Variants in CAST observed in about 807,000 individuals in gnomAD.
The protein encoded by CAST is MIR583 host.
A neutral mutation model predicts 119.6 loss-of-function variants in CAST; 76 were observed. The observed-to-expected ratio is 0.64, with a 90% CI of 0.53 to 0.77. CAST has a LOEUF of 0.77. Among genes scored for constraint, CAST ranks in the 30% least tolerant of loss-of-function variants. The pLI, the probability that CAST is intolerant of heterozygous loss-of-function variation, is 0.00. For synonymous variants in CAST, 319 were observed against 331.6 expected, an observed-to-expected ratio of 0.96 and a Z score of 0.41; for missense variants, 953 against 946.5, an observed-to-expected ratio of 1.01 and a Z score of -0.09.
chr5:96,247,354 G>A, the CAST span, among the ~76,000 whole-genome samples: 1 of 152,240 alleles, frequency 6.6e-6, no homozygotes, highest in Non-Finnish European at 1.5e-5. Flanking sequence ...TATTCTGGCT[G>A]CCTAGAAGGC....
At chr5:96,136,965 T>G in the CAST span, among the ~76,000 whole-genome samples, 2 of 152,222 alleles carry the variant, frequency 1.3e-5, no homozygotes, top group South Asian at 4.1e-4. Context: ...CTCCTTTCTG[T>G]GAAGTTGTTT....
At position 96,638,338 on chromosome 5, in the gene CAST, G is replaced by T. The variant is rs797017044; in HGVS notation, c.61-37201G>T. Among the ~76,000 whole-genome samples, 41 of 152,166 alleles carry T rather than the reference G, an allele frequency of 2.7e-4. 1 individual carries two copies. Among genetic ancestry groups the T allele is most frequent in the African/African-American group, 9.9e-4 (41 of 41,514 alleles). ...GGAGAATCTCATGAACCCAGGAGGT[G>T]GAGGTTGCAGTGAGCCAAGATCATG... On this transcript the variant is annotated intron_variant, in intron 1 of 11. Transcript: ENST00000505143.
At chr5:96,504,815 T>C in the CAST span, among the ~76,000 whole-genome samples, 6 of 152,240 alleles carry the variant, frequency 3.9e-5, no homozygotes, top group Admixed American at 3.9e-4. Context: ...AATGATGTGC[T>C]TTCTGTATCT....
At chr5:96,403,001 G>A in the CAST span, among the ~76,000 whole-genome samples, 1 of 152,156 alleles carries the variant, frequency 6.6e-6, no homozygotes, top group Non-Finnish European at 1.5e-5. Context: ...CAGTCAATGG[G>A]CAACACACCA....
the CAST span, among the ~76,000 whole-genome samples, chr5:96,498,130 G>A: frequency 1.4e-3 from 217 of 152,190 alleles, 1 homozygote; most frequent in Non-Finnish European, 1.8e-3. Context: ...TCCTTTCCCT[G>A]TTTCTTGTTT....
At chr5:96,600,672 G>T (rs1415821126) in intron 1 of CAST, among the ~76,000 whole-genome samples, 1 of 152,040 alleles carries the variant, frequency 6.6e-6, no homozygotes, top group Non-Finnish European at 1.5e-5. Context: ...TTCCTTACCT[G>T]CATATTCTTT....
At chr5:96,533,816 G>A (rs1183448892) in intron 1 of CAST, among the ~76,000 whole-genome samples, 3 of 152,152 alleles carry the variant, frequency 2.0e-5, no homozygotes, top group African/African-American at 7.2e-5. Context: ...ACTCAAATAT[G>A]TGAGTGTACC....
chr5:96,290,460 A>G, the CAST span, among the ~76,000 whole-genome samples: 6 of 123,114 alleles, frequency 4.9e-5, no homozygotes, highest in Non-Finnish European at 6.9e-5. Flanking sequence ...TTTCTATTCA[A>G]AATTAAATTA....
chr5:96,055,643 A>G, the CAST span, among the ~76,000 whole-genome samples: 20 of 152,152 alleles, frequency 1.3e-4, no homozygotes, highest in African/African-American at 4.6e-4. Flanking sequence ...ACCAAAAACC[A>G]TATTTTTTTC....
At chr5:96,471,343 A>C in the CAST span, among the ~76,000 whole-genome samples, 1 of 152,148 alleles carries the variant, frequency 6.6e-6, no homozygotes, top group Non-Finnish European at 1.5e-5. Flanking sequence ...CTTCAGCTAA[A>C]ATTACATTCT....
At chr5:96,271,238 G>A in the CAST span, among the ~76,000 whole-genome samples, 1 of 151,918 alleles carries the variant, frequency 6.6e-6, no homozygotes, top group Non-Finnish European at 1.5e-5. Flanking sequence ...TGTAGAAATA[G>A]TAAAAAAACA....
chr5:96,258,361 T>C, the CAST span, among the ~76,000 whole-genome samples: 36 of 152,310 alleles, frequency 2.4e-4, no homozygotes, highest in Non-Finnish European at 4.6e-4. Context: ...ATATTTTCAT[T>C]AATGAGGTTT....
At chr5:96,744,413 C>T (rs1418926173) in intron 16 of CAST, among the ~76,000 whole-genome samples, 5 of 152,124 alleles carry the variant, frequency 3.3e-5, no homozygotes, top group African/African-American at 9.7e-5. Flanking sequence ...GGGGAACTCC[C>T]CTTTATAAAA....
chr5:96,653,230 TG>T lies in CAST; in HGVS notation c.61-22305del, dbSNP rs1304264596. ...GCAAACCAGTCCAGATTCATTGCCT[TG>T]GGGCAGGGCTAGACCCCACCTGGTA... On this transcript the variant is annotated intron_variant, in intron 1 of 11. Transcript: ENST00000505143. 7.2e-5 allele frequency among the ~76,000 whole-genome samples: 11 copies of T among 152,370 alleles called. No individual in the cohort carries two copies. In the South Asian group the frequency reaches 2.3e-3, roughly 32 times the overall value.
At chr5:96,635,690 C>G (rs1747876413) in intron 1 of CAST, among the ~76,000 whole-genome samples, 1 of 152,236 alleles carries the variant, frequency 6.6e-6, no homozygotes, top group African/African-American at 2.4e-5. Flanking sequence ...AAATCACAAA[C>G]AGTCAATGTT....
Position 96,741,000 on chromosome 5 carries a change from G to A in CAST, c.918+217G>A, listed in dbSNP as rs556135406. The A allele has an allele frequency of 2.7e-5, 16 of 593,592 alleles. No homozygotes were observed. In the South Asian group the frequency reaches 3.0e-4, roughly 11 times the overall value. 36.8% of individuals were successfully genotyped at this position (593,592 alleles called of 1,614,324 possible). ...TTTTGAGGGAAAGGAGAAAGAAGGCGAGAAAGTATTAGGATAGAATATTAT... is the reference window on the plus strand; with the variant it reads ...TTTTGAGGGAAAGGAGAAAGAAGGCAAGAAAGTATTAGGATAGAATATTAT... On this transcript the variant is annotated intron_variant, in intron 13 of 31. Coordinates refer to ENST00000675179, the MANE Select transcript of CAST (RefSeq NM_001750.7).
chr5:96,277,132 G>T, the CAST span, among the ~76,000 whole-genome samples: 1 of 152,088 alleles, frequency 6.6e-6, no homozygotes, highest in Non-Finnish European at 1.5e-5. Flanking sequence ...TTTCAAAACA[G>T]TGCAGTAAAA....
At chr5:96,599,053 C>T (rs1398301709) in intron 1 of CAST, among the ~76,000 whole-genome samples, 1 of 152,222 alleles carries the variant, frequency 6.6e-6, no homozygotes, top group Admixed American at 6.5e-5. Context: ...ACTCCATAAT[C>T]ACATGAACCA....
At chr5:96,098,813 T>C in the CAST span, among the ~76,000 whole-genome samples, 4 of 152,218 alleles carry the variant, frequency 2.6e-5, no homozygotes, top group African/African-American at 7.2e-5. Flanking sequence ...CCAGTTCTTT[T>C]TTGGTTCCAT....
Sources: gnomAD v4.1 joint callset for allele counts (sites outside exome capture counted in the v4.1 genomes callset) on GRCh38, gnomAD v4.1.1 for gene constraint, MANE v1.5 for transcripts, NCBI Gene and HGNC (gene_info 2026-07-23, HGNC 2026-07-21) for gene names.